MAPKAP1: variants seen among roughly 807,000 people sequenced by gnomAD.
MAPKAP1 encodes the protein MAPK associated protein 1, also known as target of rapamycin complex 2 subunit MAPKAP1.
A neutral mutation model predicts 65.7 loss-of-function variants in MAPKAP1; 20 were observed. That is an observed-to-expected ratio of 0.30 (90% CI 0.21 to 0.44). MAPKAP1 has a LOEUF of 0.44. Among genes scored for constraint, MAPKAP1 ranks in the 20% least tolerant of loss-of-function variants. The pLI is 1.00. For missense variants in MAPKAP1, 423 were observed against 648.0 expected (o/e 0.65, Z 3.77); for synonymous variants, 222 against 244.3 (o/e 0.91, Z 0.85).
chr9:125,481,097 G>A (rs1345449384), intron 9 of MAPKAP1, among the ~76,000 whole-genome samples: 2 of 152,108 alleles, frequency 1.3e-5, no homozygotes, highest in Non-Finnish European at 2.9e-5. Context: ...GATTGAAAAG[G>A]GAAAAGACTT....
chr9:125,698,278 AATAT>A (rs1448637048), intron 1 of MAPKAP1, among the ~76,000 whole-genome samples: 34 of 26,596 alleles, frequency 1.3e-3, no homozygotes, highest in Admixed American at 6.8e-3. Flanking sequence ...TATAATACAT[AATAT>A]ATATAAATAT....
rs143944537 is a variant in MAPKAP1, at chr9:125,557,529, G to T, written c.848+2104C>A. Among the ~76,000 whole-genome samples, 199 of 152,244 alleles carry T rather than the reference G, an allele frequency of 1.3e-3. 1 individual carries two copies. Among genetic ancestry groups the T allele is most frequent in the African/African-American group, 4.6e-3 (193 of 41,546 alleles). On this transcript the variant is annotated intron_variant, in intron 6 of 11. Coordinates refer to ENST00000265960, the MANE Select transcript of MAPKAP1 (RefSeq NM_001006617.3). ...TTCAGAGGGCTATTGTCAATAAAAA[G>T]TGAGTCTAAAGATGTTTTTACTCTG...
At chr9:125,483,527 C>T (rs769107960) in intron 9 of MAPKAP1, among the ~76,000 whole-genome samples, 5 of 152,152 alleles carry the variant, frequency 3.3e-5, no homozygotes, top group East Asian at 1.9e-4. Context: ...TAAAAGGAGA[C>T]GCAGGAAGAG....
At chr9:125,575,599 T>C (rs1831369654) in intron 5 of MAPKAP1, among the ~76,000 whole-genome samples, 1 of 152,200 alleles carries the variant, frequency 6.6e-6, no homozygotes, top group South Asian at 2.1e-4. Context: ...CAAATAAGCA[T>C]ATGAAGATGC....
chr9:125,543,520 C>T (rs1311208998), intron 6 of MAPKAP1, among the ~76,000 whole-genome samples: 6 of 152,084 alleles, frequency 3.9e-5, no homozygotes, highest in African/African-American at 1.4e-4. Flanking sequence ...TCGTGATCTG[C>T]CCGCCTCGGC....
intron 4 of MAPKAP1, among the ~76,000 whole-genome samples, chr9:125,613,203 C>T (rs966805197): frequency 2.0e-5 from 3 of 152,174 alleles, no homozygotes; most frequent in African/African-American, 7.2e-5. Flanking sequence ...CAACGCAGAC[C>T]TGAAGGTGTG....
intron 11 of MAPKAP1, among the ~76,000 whole-genome samples, chr9:125,441,271 T>C (rs552306502): frequency 1.3e-5 from 2 of 152,248 alleles, no homozygotes; most frequent in East Asian, 3.9e-4. Flanking sequence ...CCTGTGGAAT[T>C]AGGGACCACC....
At chr9:125,653,550 G>A (rs1419436142) in intron 4 of MAPKAP1, among the ~76,000 whole-genome samples, 1 of 152,144 alleles carries the variant, frequency 6.6e-6, no homozygotes, top group Non-Finnish European at 1.5e-5. Flanking sequence ...AAGGGCAGGG[G>A]AAGATCAGAG....
intron 1 of MAPKAP1, among the ~76,000 whole-genome samples, chr9:125,689,436 GAAAA>G (rs911746619): frequency 2.0e-4 from 3 of 15,270 alleles, no homozygotes; most frequent in African/African-American, 6.4e-4. Context: ...CTCCATCTCG[GAAAA>G]AAAAAAAAAA....
intron 1 of MAPKAP1, among the ~76,000 whole-genome samples, chr9:125,688,150 T>G (rs1835040462): frequency 6.6e-6 from 1 of 152,186 alleles, no homozygotes; most frequent in Non-Finnish European, 1.5e-5. Context: ...TTTTTCTTCT[T>G]TTTTTGAGAC....
chr9:125,701,788 A>C (rs1472385855), intron 1 of MAPKAP1, among the ~76,000 whole-genome samples: 1 of 152,244 alleles, frequency 6.6e-6, no homozygotes, highest in Non-Finnish European at 1.5e-5. Flanking sequence ...CTAAGAGCAC[A>C]AAATAGAAGT....
chr9:125,441,237 ACTC>A (rs1408317473), intron 11 of MAPKAP1, among the ~76,000 whole-genome samples: 2 of 152,032 alleles, frequency 1.3e-5, no homozygotes, highest in East Asian at 1.9e-4. Context: ...GAGCCCGACA[ACTC>A]CTCTGAGATT....
At chr9:125,543,034 T>G in intron 7 of MAPKAP1, 25 bp downstream of exon 7, 5 of 1,455,236 alleles carry the variant, frequency 3.4e-6, no homozygotes, top group Non-Finnish European at 4.8e-6. Context: ...TCTACTACTG[T>G]GAGAATATGA....
At chr9:125,493,941 A>T (rs1043014353) in intron 8 of MAPKAP1, among the ~76,000 whole-genome samples, 1 of 152,096 alleles carries the variant, frequency 6.6e-6, no homozygotes, top group African/African-American at 2.4e-5. Flanking sequence ...CCACCACACA[A>T]CCTCTGTGAG....
chr9:125,584,911 CACT>C (rs1198789041), intron 5 of MAPKAP1, among the ~76,000 whole-genome samples: 1 of 152,114 alleles, frequency 6.6e-6, no homozygotes, highest in Non-Finnish European at 1.5e-5. Flanking sequence ...TACTCTCAAG[CACT>C]ACATTTTAAA....
chr9:125,467,775 C>T lies in MAPKAP1; in HGVS notation c.1345+197G>A, dbSNP rs140046191. 6.7e-3 allele frequency among the ~76,000 whole-genome samples: 1,020 copies of T among 152,266 alleles called. 22 individuals carry two copies. Among genetic ancestry groups the T allele is most frequent in the African/African-American group, 0.024 (977 of 41,546 alleles). On this transcript the variant is annotated intron_variant, in intron 10 of 11. Coordinates refer to ENST00000265960, the MANE Select transcript of MAPKAP1 (RefSeq NM_001006617.3). ...CGAAGTTCTCTGCAGCCATCAAGAC[C>T]GAACAGGATGGGGCACATGTCAGGC...
At chr9:125,577,332 C>A (rs536519713) in intron 5 of MAPKAP1, among the ~76,000 whole-genome samples, 1 of 151,438 alleles carries the variant, frequency 6.6e-6, no homozygotes, top group Admixed American at 6.6e-5. Flanking sequence ...GCAGCCACCC[C>A]GTCTGGTAAG....
chr9:125,643,551 C>G (rs919888237), intron 4 of MAPKAP1, among the ~76,000 whole-genome samples: 2 of 152,080 alleles, frequency 1.3e-5, no homozygotes, highest in African/African-American at 2.4e-5. Flanking sequence ...CCTTCTATAT[C>G]AAGAAGTGAC....
chr9:125,528,788 G>A (rs961168641), intron 7 of MAPKAP1, among the ~76,000 whole-genome samples: 1 of 148,666 alleles, frequency 6.7e-6, no homozygotes, highest in Admixed American at 6.7e-5. Context: ...CGGAGGTTGC[G>A]GTGAGCTGAG....
Sources: gnomAD v4.1 joint callset for allele counts (sites outside exome capture counted in the v4.1 genomes callset) on GRCh38, gnomAD v4.1.1 for gene constraint, MANE v1.5 for transcripts, NCBI Gene and HGNC (gene_info 2026-07-23, HGNC 2026-07-21) for gene names.